ADGRL3: variants seen among roughly 807,000 people sequenced by gnomAD.
ADGRL3 encodes calcium-independent alpha-latrotoxin receptor 3.
In ADGRL3, 62 loss-of-function variants were observed where a neutral mutation model predicts 153.5. The observed-to-expected ratio is 0.40, with a 90% CI of 0.33 to 0.50. ADGRL3 has a LOEUF of 0.50. Ranked by LOEUF, ADGRL3 falls within the 20% of genes least tolerant of loss-of-function variation. The pLI is 0.47. For synonymous variants in ADGRL3, 710 were observed against 672.5 expected (o/e 1.06, Z -0.86); for missense variants, 1,641 against 1,859.4 (o/e 0.88, Z 2.16).
At position 61,980,306 on chromosome 4, in the gene ADGRL3, A is replaced by ATTTTTTTTTTTT. The variant is rs756680977; in HGVS notation, c.3015+549_3015+560dup. On this transcript the variant is annotated intron_variant, in intron 18 of 26. Coordinates refer to ENST00000683033, the MANE Select transcript of ADGRL3 (RefSeq NM_001387552.1). ...TCCCACTAACCTCTGGTAACCACTA[A>ATTTTTTTTTTTT]TTTTTTTTTTTTTTTTTTTTTTTTT... Among the ~76,000 whole-genome samples the ATTTTTTTTTTTT allele has an allele frequency of 6.7e-5, 5 of 74,412 alleles. 1 individual carries two copies. Among genetic ancestry groups the ATTTTTTTTTTTT allele is most frequent in the Non-Finnish European group, 1.0e-4 (4 of 39,596 alleles). The allele number at this position is 74,412 out of a possible 152,430, so 48.8% of individuals were successfully genotyped here.
intron 2 of ADGRL3, among the ~76,000 whole-genome samples, chr4:61,488,386 C>T (rs1437078541): frequency 6.6e-6 from 1 of 151,900 alleles, no homozygotes; most frequent in Non-Finnish European, 1.5e-5. Flanking sequence ...TGAGATTTAG[C>T]ATTTCATTGC....
intron 1 of ADGRL3, among the ~76,000 whole-genome samples, chr4:61,344,191 C>T (rs189738020): frequency 6.6e-5 from 10 of 152,296 alleles, no homozygotes; most frequent in African/African-American, 2.4e-5. Flanking sequence ...ATTCCATTGA[C>T]GTTGCTCAGT....
intron 9 of ADGRL3, among the ~76,000 whole-genome samples, chr4:61,888,195 G>A (rs1376416957): frequency 2.0e-5 from 3 of 152,122 alleles, no homozygotes; most frequent in Non-Finnish European, 4.4e-5. Context: ...ATGATATAAG[G>A]AAAATTGCAA....
chr4:61,319,518 C>T (rs1222496277), intron 1 of ADGRL3, among the ~76,000 whole-genome samples: 2 of 152,128 alleles, frequency 1.3e-5, no homozygotes, highest in African/African-American at 2.4e-5. Flanking sequence ...CCTCCCCTTT[C>T]CCTCATGTGT....
At chr4:61,314,851 A>G (rs1333071234) in intron 1 of ADGRL3, among the ~76,000 whole-genome samples, 2 of 152,144 alleles carry the variant, frequency 1.3e-5, no homozygotes, top group African/African-American at 2.4e-5. Flanking sequence ...ATCCACTCCC[A>G]AGTGTCAATA....
At chr4:61,287,799 G>A (rs1226212836) in intron 1 of ADGRL3, among the ~76,000 whole-genome samples, 3 of 151,856 alleles carry the variant, frequency 2.0e-5, no homozygotes, top group Non-Finnish European at 4.4e-5. Context: ...CTTATCCCTG[G>A]ATGGGTGTGA....
chr4:61,400,050 T>C (rs777975844), intron 2 of ADGRL3, among the ~76,000 whole-genome samples: 11 of 151,770 alleles, frequency 7.2e-5, no homozygotes, highest in Non-Finnish European at 1.5e-5. Context: ...AGAGAGCATA[T>C]ATTTCCTTAA....
chr4:61,359,177 A>G (rs886817898), intron 1 of ADGRL3, among the ~76,000 whole-genome samples: 3 of 152,180 alleles, frequency 2.0e-5, no homozygotes, highest in Admixed American at 6.5e-5. Context: ...TATGCTGCTG[A>G]TACTTTGCAA....
intron 8 of ADGRL3, among the ~76,000 whole-genome samples, chr4:61,736,333 C>A (rs374885513): frequency 6.6e-6 from 1 of 152,096 alleles, no homozygotes; most frequent in Non-Finnish European, 1.5e-5. Flanking sequence ...CTCACCCTCA[C>A]GTACTAGTGC....
chr4:61,605,173 A>G (rs1314694899), intron 5 of ADGRL3, among the ~76,000 whole-genome samples: 2 of 151,766 alleles, frequency 1.3e-5, no homozygotes, highest in Non-Finnish European at 2.9e-5. Flanking sequence ...AAAAATTAGA[A>G]AATTTGTATT....
At chr4:61,779,044 G>A (rs1353371356) in intron 8 of ADGRL3, among the ~76,000 whole-genome samples, 4 of 150,176 alleles carry the variant, frequency 2.7e-5, no homozygotes, top group Non-Finnish European at 4.4e-5. Context: ...GGTGACAGAG[G>A]GAGACTCTGT....
At chr4:61,372,661 A>C (rs1447102979) in intron 1 of ADGRL3, among the ~76,000 whole-genome samples, 1 of 152,188 alleles carries the variant, frequency 6.6e-6, no homozygotes, top group East Asian at 1.9e-4. Flanking sequence ...TTAAGTCTGC[A>C]GAGGTTACTG....
At chr4:61,886,388 G>T (rs2098538911) in intron 9 of ADGRL3, among the ~76,000 whole-genome samples, 1 of 152,048 alleles carries the variant, frequency 6.6e-6, no homozygotes, top group African/African-American at 2.4e-5. Context: ...TTCAGTAGTG[G>T]ACTTTGGATG....
intron 1 of ADGRL3, among the ~76,000 whole-genome samples, chr4:61,239,493 A>G (rs1486221625): frequency 6.6e-6 from 1 of 152,096 alleles, no homozygotes; most frequent in Non-Finnish European, 1.5e-5. Context: ...TGCATTTGTT[A>G]CTATGGATGT....
chr4:61,665,453 G>C (rs572067717), intron 5 of ADGRL3, among the ~76,000 whole-genome samples: 1 of 151,874 alleles, frequency 6.6e-6, no homozygotes, highest in South Asian at 2.1e-4. Context: ...AAACATGGTA[G>C]AGCTTTACTT....
At chr4:61,673,994 T>A (rs1258616974) in intron 5 of ADGRL3, among the ~76,000 whole-genome samples, 1 of 151,372 alleles carries the variant, frequency 6.6e-6, no homozygotes, top group Non-Finnish European at 1.5e-5. Context: ...TCTTGACTCA[T>A]CTTCGGTTAA....
At chr4:61,753,876 G>A (rs988106656) in intron 8 of ADGRL3, among the ~76,000 whole-genome samples, 2 of 152,128 alleles carry the variant, frequency 1.3e-5, no homozygotes, top group African/African-American at 4.8e-5. Flanking sequence ...TTATGATAAG[G>A]AATCTCAGAT....
At chr4:61,882,103 C>T (rs1372089347) in intron 9 of ADGRL3, among the ~76,000 whole-genome samples, 3 of 152,180 alleles carry the variant, frequency 2.0e-5, no homozygotes, top group Admixed American at 6.5e-5. Context: ...GTAATGAGAA[C>T]ACTAACATAA....
intron 8 of ADGRL3, among the ~76,000 whole-genome samples, chr4:61,745,231 G>C (rs1365119166): frequency 6.6e-6 from 1 of 152,190 alleles, no homozygotes; most frequent in Non-Finnish European, 1.5e-5. Flanking sequence ...ATCTACGTCT[G>C]ATTGGTGTAC....
Sources: gnomAD v4.1 joint callset for allele counts (sites outside exome capture counted in the v4.1 genomes callset) on GRCh38, gnomAD v4.1.1 for gene constraint, MANE v1.5 for transcripts, NCBI Gene and HGNC (gene_info 2026-07-23, HGNC 2026-07-21) for gene names.